The following SMIM41 variants were observed in gnomAD, a reference collection of about 807,000 sequenced individuals.
The protein encoded by SMIM41 is small integral membrane protein 41.
intron 2 of SMIM41, among the ~76,000 whole-genome samples, chr12:52,095,573 A>T (rs552510711): frequency 2.0e-5 from 3 of 152,176 alleles, no homozygotes; most frequent in African/African-American, 7.2e-5. Flanking sequence ...GTGTTGTATC[A>T]TCCTCTCCCA....
In SMIM41 at chr12:52,079,964, C is replaced by T. The variant is rs1004678126; in HGVS notation, c.185C>T (p.Ala62Val). 5.2e-5 allele frequency: 20 copies of T among 383,760 alleles called. No homozygotes were observed. Among genetic ancestry groups the T allele is most frequent in the Non-Finnish European group, 9.2e-5 (20 of 216,532 alleles). 23.8% of individuals were successfully genotyped at this position (383,760 alleles called of 1,614,324 possible). ...LFLGGGLLLR[A>V]QGLTALLTRE... ...CTGGGCGGCGGCCTCCTCCTCCGCG[C>T]CCAGGGCCTGACAGCGCTGCTGACC... is the stretch of plus-strand genomic sequence containing the variant. The change falls in exon 1 of 3, where the codon GCC (alanine) becomes GTC (valine). Residue 62 changes from alanine (A) to valine (V), a missense_variant. Ala to Val is a moderately conservative substitution (Grantham distance 64). Transcript: ENST00000546390.
chr12:52,081,534 C>G lies in SMIM41; in HGVS notation c.*120+1353C>G, dbSNP rs76190372. Among the ~76,000 whole-genome samples, 1,596 of 152,154 alleles carry G rather than the reference C, an allele frequency of 0.01. 30 individuals carry two copies. The highest frequency in any genetic ancestry group is 0.036 in the African/African-American group (1,498 of 41,522). ...CCCCTCAGCTCCCCCCACTCCACCC[C>G]CTAGGAGGGAGGGTTGTCCAGGGCC... On this transcript the variant is annotated intron_variant, in intron 1 of 2. Transcript: ENST00000546390. This position sits in a 1 kb window ranked among gnomAD's most constrained non-coding sequence, Gnocchi z 4.1.
chr12:52,092,395 T>C (rs371525005), intron 2 of SMIM41: 19 of 152,326 alleles, frequency 1.2e-4, no homozygotes, highest in African/African-American at 4.1e-4. Context: ...CGGTGTTTCT[T>C]TCAGTGGGTT....
In SMIM41 at chr12:52,081,419, A is replaced by G. The variant is rs1425182044; in HGVS notation, c.*120+1238A>G. ...GCTGCGAAGCTAACGACAACGTGTG[A>G]TCCCTGCCCAGCAGCCCAGGATTTG... On this transcript the variant is annotated intron_variant, in intron 1 of 2. Transcript: ENST00000546390. The surrounding 1 kb of genome is among the most constrained non-coding windows in gnomAD (Gnocchi z 4.1). Among the ~76,000 whole-genome samples, 1 of 151,948 alleles carries G rather than the reference A, an allele frequency of 6.6e-6. No homozygotes were observed. Among genetic ancestry groups the G allele is most frequent in the Non-Finnish European group, 1.5e-5 (1 of 67,966 alleles).
At chr12:52,091,702 G>A (rs1940006950) in intron 2 of SMIM41, among the ~76,000 whole-genome samples, 1 of 152,216 alleles carries the variant, frequency 6.6e-6, no homozygotes, top group Non-Finnish European at 1.5e-5. Context: ...AGAGTGGGGA[G>A]GAGGGCGGAA....
In SMIM41 at chr12:52,080,199, A is replaced by G. The variant is rs1378902942; in HGVS notation, c.*120+18A>G. On this transcript the variant is annotated intron_variant, in intron 1 of 2. Transcript: ENST00000546390. The stretch of plus-strand genomic sequence containing the variant: ...CCACACAGGTGAGAGGGAGGGTAGC[A>G]GGAGTGTGGGCGCGGGGGTTCGGGG... 6.4e-6 allele frequency: 2 copies of G among 312,610 alleles called. No individual in the cohort carries two copies. The highest frequency in any genetic ancestry group is 5.9e-6 in the Non-Finnish European group (1 of 170,746). The allele number at this position is 312,610 out of a possible 1,614,324, so 19.4% of individuals were successfully genotyped here.
chr12:52,091,575 C>T (rs888249790), intron 2 of SMIM41, among the ~76,000 whole-genome samples: 3 of 152,210 alleles, frequency 2.0e-5, no homozygotes, highest in Admixed American at 6.5e-5. Flanking sequence ...CAAATGCCAG[C>T]TCTGTTAGGA....
In SMIM41 at chr12:52,081,839, C is replaced by G. The variant is rs1393504648; in HGVS notation, c.*120+1658C>G. 1.3e-5 allele frequency among the ~76,000 whole-genome samples: 2 copies of G among 152,200 alleles called. No individual in the cohort carries two copies. The highest frequency in any genetic ancestry group is 2.4e-5 in the African/African-American group (1 of 41,440). ...CTCACATGAATGACAGAGCTGGAAGCAGACCCTGGGCCCTGATTCCAAGTT... is the reference window on the plus strand; with the variant it reads ...CTCACATGAATGACAGAGCTGGAAGGAGACCCTGGGCCCTGATTCCAAGTT... On this transcript the variant is annotated intron_variant, in intron 1 of 2. Transcript: ENST00000546390. The surrounding 1 kb of genome is among the most constrained non-coding windows in gnomAD (Gnocchi z 4.1).
intron 2 of SMIM41, among the ~76,000 whole-genome samples, chr12:52,097,920 C>A (rs1050298711): frequency 3.9e-5 from 6 of 151,940 alleles, no homozygotes; most frequent in African/African-American, 1.5e-4. Flanking sequence ...AACCACCTGC[C>A]AAATTCGAAG....
chr12:52,079,926 C>A lies in SMIM41; in HGVS notation c.147C>A (p.Cys49Ter). The A allele has an allele frequency of 2.6e-6, 1 of 387,664 alleles. No individual in the cohort carries two copies. 24.0% of individuals were successfully genotyped at this position (387,664 alleles called of 1,614,324 possible). ...GCGTGCTGTCCCTGCTGGTGCTTTG[C>A]GGGGTCCTGTTCCTGGGCGGCGGCC... ...VLGVLSLLVL[C>*]GVLFLGGGLL... The change falls in exon 1 of 3, where the codon TGC becomes TGA. Residue 49 changes from cysteine (C) to a stop codon, truncating the protein, a stop_gained. Coordinates refer to ENST00000546390, the MANE Select transcript of SMIM41 (RefSeq NM_001369216.1). LOFTEE classifies it high-confidence loss of function.
In SMIM41 at chr12:52,107,886, A is replaced by G; in HGVS notation, c.*703A>G. 3.6e-6 allele frequency: 1 copy of G among 278,674 alleles called. No homozygotes were observed. The highest frequency in any genetic ancestry group is 7.0e-6 in the Non-Finnish European group (1 of 143,376). The allele number at this position is 278,674 out of a possible 1,614,324, so 17.3% of individuals were successfully genotyped here. ...CTAATTTCTTCTGTGACCTTTCTCA[A>G]CTCCCCCATCTTGCCGTTGTGACAC... is the stretch of plus-strand genomic sequence containing the variant. On this transcript the variant is annotated 3_prime_UTR_variant, in exon 3 of 3. Coordinates refer to ENST00000546390, the MANE Select transcript of SMIM41 (RefSeq NM_001369216.1).
intron 2 of SMIM41, among the ~76,000 whole-genome samples, chr12:52,097,297 G>A (rs556579774): frequency 6.6e-6 from 1 of 151,670 alleles, no homozygotes; most frequent in East Asian, 1.9e-4. Context: ...TGGATATTAC[G>A]ATACACATCG....
In SMIM41 at chr12:52,094,320, C is replaced by T. The variant is rs766008805; in HGVS notation, c.*195+10352C>T. Among the ~76,000 whole-genome samples, 64 of 151,462 alleles carry T rather than the reference C, an allele frequency of 4.2e-4. 2 individuals are homozygous for T. The Middle Eastern group carries it at 0.024, about 56-fold the overall frequency. ...TTCAAGCAATTCTGCTTCAGCCTCC[C>T]GAGTAGCTGGGACTACAGGCGTGTG... is the stretch of plus-strand genomic sequence containing the variant. On this transcript the variant is annotated intron_variant, in intron 2 of 2. Transcript: ENST00000546390.
At chr12:52,085,690 C>T (rs894060316) in intron 2 of SMIM41, among the ~76,000 whole-genome samples, 1 of 152,064 alleles carries the variant, frequency 6.6e-6, no homozygotes, top group African/African-American at 2.4e-5. Context: ...AACAGTACTA[C>T]GCTGAGAGTA....
At chr12:52,080,893 G>T (rs930637521) in intron 1 of SMIM41, among the ~76,000 whole-genome samples, 1 of 152,240 alleles carries the variant, frequency 6.6e-6, no homozygotes, top group South Asian at 2.1e-4. Context: ...GGTGAAGGGT[G>T]GGGGAGTAGA....
chr12:52,093,793 T>A (rs916034372), intron 2 of SMIM41, among the ~76,000 whole-genome samples: 3 of 152,210 alleles, frequency 2.0e-5, no homozygotes, highest in African/African-American at 4.8e-5. Flanking sequence ...GGACAGATTC[T>A]TTATTCAATT....
chr12:52,095,353 AC>A (rs2120689747), intron 2 of SMIM41, among the ~76,000 whole-genome samples: 1 of 144,010 alleles, frequency 6.9e-6, no homozygotes, highest in South Asian at 2.3e-4. Flanking sequence ...GAGTAATATC[AC>A]CCCCCTCTCC....
At chr12:52,091,286 C>A (rs1341025395) in intron 2 of SMIM41, among the ~76,000 whole-genome samples, 2 of 152,226 alleles carry the variant, frequency 1.3e-5, no homozygotes, top group Non-Finnish European at 2.9e-5. Context: ...CTGTCCTCAG[C>A]CTGAGCCTCT....
chr12:52,100,560 G>C (rs1388922454), intron 2 of SMIM41, among the ~76,000 whole-genome samples: 1 of 150,692 alleles, frequency 6.6e-6, no homozygotes, highest in Non-Finnish European at 1.5e-5. Context: ...GTATTCAAGC[G>C]ATTCTCCTGT....
Sources: gnomAD v4.1 joint callset for allele counts (sites outside exome capture counted in the v4.1 genomes callset) on GRCh38, gnomAD v4.1.1 for gene constraint, Gnocchi (gnomAD v3.1) non-coding constraint, MANE v1.5 for transcripts, NCBI Gene and HGNC (gene_info 2026-07-23, HGNC 2026-07-21) for gene names.